The following MDGA2 variants were observed in gnomAD, a reference collection of about 807,000 sequenced individuals.
MDGA2 encodes the protein MAM domain-containing glycosylphosphatidylinositol anchor protein 2.
MDGA2 carries 40 observed loss-of-function variants against 117.8 expected under a neutral mutation model. The ratio of observed to expected loss-of-function variants is 0.34; its 90% CI spans 0.26 to 0.44. The LOEUF (loss-of-function observed/expected upper bound fraction) is 0.44. MDGA2 is among the 20% of genes least tolerant of loss of function. The pLI is 1.00. For synonymous variants in MDGA2, 452 were observed against 439.0 expected (o/e 1.03, Z -0.37); for missense variants, 1,123 against 1,250.6 (o/e 0.90, Z 1.54).
At chr14:47,186,409 A>G (rs1884912963) in intron 3 of MDGA2, among the ~76,000 whole-genome samples, 1 of 151,794 alleles carries the variant, frequency 6.6e-6, no homozygotes, top group Admixed American at 6.6e-5. Context: ...TTAAATATCA[A>G]ATTTCTTATA....
intron 8 of MDGA2, among the ~76,000 whole-genome samples, chr14:46,991,761 A>G (rs932629126): frequency 1.3e-5 from 2 of 152,170 alleles, no homozygotes; most frequent in African/African-American, 4.8e-5. Context: ...AATAGTTAAT[A>G]CAACTGTGTT....
intron 2 of MDGA2, among the ~76,000 whole-genome samples, chr14:47,239,792 T>G (rs930498036): frequency 6.6e-6 from 1 of 151,914 alleles, no homozygotes; most frequent in Non-Finnish European, 1.5e-5. Context: ...AAAGTTATTT[T>G]CCTCCACATA....
chr14:47,478,210 A>G (rs751179836), intron 1 of MDGA2, among the ~76,000 whole-genome samples: 20 of 152,336 alleles, frequency 1.3e-4, no homozygotes, highest in Non-Finnish European at 2.6e-4. Flanking sequence ...TTTATTAGCC[A>G]AACTTCAGTG....
At chr14:47,484,746 C>A (rs12432905) in intron 1 of MDGA2, among the ~76,000 whole-genome samples, 2 of 151,872 alleles carry the variant, frequency 1.3e-5, no homozygotes, top group East Asian at 2.0e-4. Context: ...TGCTGTTCTC[C>A]TAATAGTGAA....
chr14:46,847,274 C>A (rs374045011), intron 15 of MDGA2, among the ~76,000 whole-genome samples: 21 of 152,076 alleles, frequency 1.4e-4, no homozygotes, highest in African/African-American at 3.6e-4. Flanking sequence ...TACTGATATA[C>A]AGATATGATA....
intron 1 of MDGA2, among the ~76,000 whole-genome samples, chr14:47,390,339 T>C (rs952207661): frequency 5.3e-5 from 8 of 152,046 alleles, no homozygotes; most frequent in African/African-American, 1.9e-4. Flanking sequence ...CTTTTTGAAA[T>C]GGAATCATCA....
intron 1 of MDGA2, among the ~76,000 whole-genome samples, chr14:47,445,054 A>C (rs1243804507): frequency 6.6e-6 from 1 of 152,178 alleles, no homozygotes; most frequent in Non-Finnish European, 1.5e-5. Flanking sequence ...TAGGATATGC[A>C]TGGAGAGAGA....
chr14:47,473,055 A>T (rs1052232742), intron 1 of MDGA2, among the ~76,000 whole-genome samples: 15 of 152,040 alleles, frequency 9.9e-5, no homozygotes, highest in African/African-American at 3.6e-4. Context: ...GGGAGGAAAA[A>T]CCTGCATGAT....
At chr14:47,232,996 G>A (rs1045158463) in intron 2 of MDGA2, among the ~76,000 whole-genome samples, 5 of 152,068 alleles carry the variant, frequency 3.3e-5, no homozygotes, top group African/African-American at 7.2e-5. Flanking sequence ...GCTACTCTGC[G>A]TAATTCATAA....
intron 1 of MDGA2, among the ~76,000 whole-genome samples, chr14:47,403,221 T>C (rs1490845891): frequency 6.6e-6 from 1 of 152,172 alleles, no homozygotes; most frequent in Non-Finnish European, 1.5e-5. Context: ...GTCCCAGATG[T>C]CCTACCTGCT....
At chr14:47,008,868 A>T (rs1887800579) in intron 8 of MDGA2, among the ~76,000 whole-genome samples, 1 of 151,968 alleles carries the variant, frequency 6.6e-6, no homozygotes, top group Admixed American at 6.6e-5. Flanking sequence ...GTCCTTATTT[A>T]AAAAATTCAT....
chr14:47,658,209 GGT>G (rs1377325255), intron 1 of MDGA2, among the ~76,000 whole-genome samples: 2 of 152,142 alleles, frequency 1.3e-5, no homozygotes, highest in African/African-American at 4.8e-5. Flanking sequence ...ATTGTCTGGA[GGT>G]GGCAAGGCTG....
chr14:47,057,743 C>CTGCCT (rs1218784674), intron 7 of MDGA2, among the ~76,000 whole-genome samples: 58 of 149,136 alleles, frequency 3.9e-4, no homozygotes, highest in Non-Finnish European at 7.4e-4. Context: ...CTGCCCTGCC[C>CTGCCT]TGCCTTGCCT....
intron 1 of MDGA2, among the ~76,000 whole-genome samples, chr14:47,485,645 A>G (rs1402057905): frequency 6.6e-6 from 1 of 152,134 alleles, no homozygotes; most frequent in Non-Finnish European, 1.5e-5. Flanking sequence ...CCTAAGAGGA[A>G]AAGTGGTTTC....
rs139618638 is a variant in MDGA2, at chr14:47,332,337, C to T, written c.281-30787G>A. ...GCCTTACTCCAGTCACTTTTGGCAA[C>T]AGCATGTTAGCACAACATTGGCAGA... On this transcript the variant is annotated intron_variant, in intron 1 of 16. Transcript: ENST00000399232. Among the ~76,000 whole-genome samples the T allele has an allele frequency of 3.0e-4, 45 of 152,068 alleles. 1 individual carries two copies. The highest frequency in any genetic ancestry group is 3.0e-3 in the Admixed American group (45 of 15,240).
intron 1 of MDGA2, among the ~76,000 whole-genome samples, chr14:47,374,726 C>A (rs1451943125): frequency 6.6e-6 from 1 of 151,954 alleles, no homozygotes; most frequent in African/African-American, 2.4e-5. Flanking sequence ...CTGTACATTT[C>A]TTTCTCAAAC....
At chr14:47,160,618 G>T (rs1883594390) in intron 3 of MDGA2, among the ~76,000 whole-genome samples, 1 of 152,090 alleles carries the variant, frequency 6.6e-6, no homozygotes, top group South Asian at 2.1e-4. Flanking sequence ...AGCCATAATT[G>T]CATGCCACTC....
intron 2 of MDGA2, among the ~76,000 whole-genome samples, chr14:47,246,735 C>T (rs1887249750): frequency 6.7e-6 from 1 of 150,048 alleles, no homozygotes; most frequent in Admixed American, 6.7e-5. Flanking sequence ...TTAAGGTTTC[C>T]AAAGGAAATA....
intron 1 of MDGA2, among the ~76,000 whole-genome samples, chr14:47,488,892 T>C (rs1894112525): frequency 6.6e-6 from 1 of 152,028 alleles, no homozygotes; most frequent in South Asian, 2.1e-4. Context: ...TCCTCTTAGA[T>C]AAGAGGAAGT....
Sources: gnomAD v4.1 joint callset for allele counts (sites outside exome capture counted in the v4.1 genomes callset) on GRCh38, gnomAD v4.1.1 for gene constraint, MANE v1.5 for transcripts, NCBI Gene and HGNC (gene_info 2026-07-23, HGNC 2026-07-21) for gene names.